The following EFL1 variants were observed in gnomAD, a reference collection of about 807,000 sequenced individuals.
The protein encoded by EFL1 is elongation factor-like GTPase 1.
A neutral mutation model predicts 126.7 loss-of-function variants in EFL1; 76 were observed. The observed-to-expected ratio is 0.60, with a 90% CI of 0.50 to 0.73. The LOEUF is 0.73. Ranked by LOEUF, EFL1 falls within the 30% of genes least tolerant of loss-of-function variation. EFL1 has a pLI of 0.00. For synonymous variants in EFL1, 410 were observed against 448.4 expected (o/e 0.91, Z 1.08); for missense variants, 1,128 against 1,343.2 (o/e 0.84, Z 2.50).
At chr15:82,180,061 G>C (rs757011877) in intron 15 of EFL1, among the ~76,000 whole-genome samples, 5 of 152,162 alleles carry the variant, frequency 3.3e-5, no homozygotes, top group Non-Finnish European at 4.4e-5. Context: ...AACTGTGAGA[G>C]AGTACTAACT....
At chr15:82,168,091 G>C (rs1269899555) in intron 15 of EFL1, among the ~76,000 whole-genome samples, 3 of 152,140 alleles carry the variant, frequency 2.0e-5, no homozygotes, top group African/African-American at 7.2e-5. Context: ...GGAATCTAGA[G>C]AACCCTTAGT....
intron 17 of EFL1, among the ~76,000 whole-genome samples, chr15:82,155,415 T>C (rs373728797): frequency 2.6e-5 from 4 of 152,020 alleles, no homozygotes; most frequent in East Asian, 3.9e-4. Flanking sequence ...GGCAGGAGAA[T>C]TGCCTGAGCC....
At chr15:82,224,149 G>A (rs1194964557) in intron 12 of EFL1, among the ~76,000 whole-genome samples, 1 of 152,172 alleles carries the variant, frequency 6.6e-6, no homozygotes, top group Non-Finnish European at 1.5e-5. Context: ...TCAGGTCATG[G>A]TGGGTCAGAA....
Position 82,262,708 on chromosome 15 carries a change from C to A in EFL1, c.-114G>T. On this transcript the variant is annotated 5_prime_UTR_variant, in exon 1 of 20. Coordinates refer to ENST00000268206, the MANE Select transcript of EFL1 (RefSeq NM_024580.6). ...CCGAGAGCTCTGCGGGTCCGACACGCCCGCGCGCCAGGGGGCGGGGCCGGC... is the reference window on the plus strand; with the variant it reads ...CCGAGAGCTCTGCGGGTCCGACACGACCGCGCGCCAGGGGGCGGGGCCGGC... 1 of 736,128 alleles carries A rather than the reference C, an allele frequency of 1.4e-6. No homozygotes were observed. Among genetic ancestry groups the A allele is most frequent in the Non-Finnish European group, 2.1e-6 (1 of 471,350 alleles). 45.6% of individuals were successfully genotyped at this position (736,128 alleles called of 1,614,324 possible).
At chr15:82,158,226 A>G (rs2073987614) in intron 16 of EFL1, among the ~76,000 whole-genome samples, 1 of 152,262 alleles carries the variant, frequency 6.6e-6, no homozygotes. Context: ...AACATCGCCT[A>G]TAAAATCAAC....
At chr15:82,154,616 A>G (rs2073947423) in intron 17 of EFL1, among the ~76,000 whole-genome samples, 1 of 152,200 alleles carries the variant, frequency 6.6e-6, no homozygotes, top group African/African-American at 2.4e-5. Context: ...GTCAAGAAAC[A>G]GAACAGTCTT....
chr15:82,157,538 T>C, intron 17 of EFL1, 175 bp downstream of exon 17: 1 of 722,624 alleles, frequency 1.4e-6, no homozygotes. Flanking sequence ...TGAATGCCAT[T>C]TTTCAGTTAT....
chr15:82,219,951 A>C (rs1457293218), intron 13 of EFL1, 127 bp downstream of exon 13: 1 of 1,485,822 alleles, frequency 6.7e-7, no homozygotes, highest in Non-Finnish European at 9.0e-7. Flanking sequence ...AAACAAAACA[A>C]GAATGGAAAG....
At chr15:82,160,879 A>G (rs1353098202) in intron 16 of EFL1, among the ~76,000 whole-genome samples, 11 of 152,234 alleles carry the variant, frequency 7.2e-5, no homozygotes, top group Non-Finnish European at 4.4e-5. Context: ...AGAGTATCCT[A>G]ATAAACAGGG....
intron 19 of EFL1, among the ~76,000 whole-genome samples, chr15:82,136,805 G>A (rs576906067): frequency 1.2e-4 from 18 of 152,200 alleles, no homozygotes; most frequent in African/African-American, 4.3e-4. Context: ...AAATGTTTGG[G>A]GGGTACTGTT....
At chr15:82,210,454 C>G (rs1211317949) in intron 15 of EFL1, among the ~76,000 whole-genome samples, 1 of 152,178 alleles carries the variant, frequency 6.6e-6, no homozygotes, top group Non-Finnish European at 1.5e-5. Context: ...TATGGAAAGG[C>G]CTTAGTTCTA....
intron 15 of EFL1, among the ~76,000 whole-genome samples, chr15:82,210,440 G>C (rs1425549816): frequency 2.6e-5 from 4 of 152,204 alleles, no homozygotes; most frequent in Non-Finnish European, 4.4e-5. Context: ...AAGCCAAGCA[G>C]CCATATGGAA....
At chr15:82,141,022 A>T (rs1371642663) in intron 18 of EFL1, among the ~76,000 whole-genome samples, 1 of 152,094 alleles carries the variant, frequency 6.6e-6, no homozygotes, top group African/African-American at 2.4e-5. Flanking sequence ...GACAAGTTTA[A>T]TCCCTCTCCC....
At chr15:82,224,349 C>T (rs1470890130) in intron 12 of EFL1, among the ~76,000 whole-genome samples, 1 of 152,216 alleles carries the variant, frequency 6.6e-6, no homozygotes, top group South Asian at 2.1e-4. Flanking sequence ...TTGACATACA[C>T]AGGCAATACA....
At chr15:82,130,706 T>C in intron 19 of EFL1, 145 bp from the exon 20 acceptor site, 1 of 881,676 alleles carries the variant, frequency 1.1e-6, no homozygotes, top group Non-Finnish European at 1.7e-6. Context: ...TGGTAATAAG[T>C]ATGAAGAATC....
chr15:82,145,467 A>C (rs1325438570), intron 18 of EFL1, among the ~76,000 whole-genome samples: 1 of 151,920 alleles, frequency 6.6e-6, no homozygotes, highest in Non-Finnish European at 1.5e-5. Context: ...TACCTATAAA[A>C]ATTAAAATTA....
intron 4 of EFL1, among the ~76,000 whole-genome samples, chr15:82,249,232 G>A (rs1253699692): frequency 6.6e-6 from 1 of 151,708 alleles, no homozygotes; most frequent in Non-Finnish European, 1.5e-5. Context: ...GCATCCACGA[G>A]GTTGAGACCA....
At chr15:82,246,192 G>C (rs911625458) in intron 4 of EFL1, among the ~76,000 whole-genome samples, 4 of 152,022 alleles carry the variant, frequency 2.6e-5, no homozygotes, top group African/African-American at 9.7e-5. Context: ...CCTGAACTCT[G>C]ACATCACTGA....
intron 14 of EFL1, 87 bp downstream of exon 14, chr15:82,219,562 CCAA>C (rs2074686015): frequency 6.5e-6 from 9 of 1,388,286 alleles, no homozygotes; most frequent in South Asian, 3.0e-5. Flanking sequence ...ACTAAATCTA[CCAA>C]CAAGATAATC....
Sources: allele counts gnomAD v4.1 joint callset (sites outside exome capture counted in the v4.1 genomes callset), GRCh38; gene constraint gnomAD v4.1.1; transcripts MANE v1.5; gene names NCBI Gene and HGNC (gene_info 2026-07-23, HGNC 2026-07-21).